The following PARD3B variants were observed in gnomAD, a reference collection of about 807,000 sequenced individuals.
PARD3B encodes par-3 family cell polarity regulator beta.
Under a neutral mutation model 130.2 loss-of-function variants are expected in PARD3B, and 103 were observed. The ratio of observed to expected loss-of-function variants is 0.79; its 90% CI spans 0.67 to 0.93. The LOEUF (loss-of-function observed/expected upper bound fraction) is 0.93. Ranked by LOEUF, PARD3B falls within the 40% of genes least tolerant of loss-of-function variation. The pLI is 0.00. For missense variants in PARD3B, 1,609 were observed against 1,499.2 expected (o/e 1.07, Z -1.21); for synonymous variants, 583 against 553.2 (o/e 1.05, Z -0.76).
chr2:205,348,382 T>C (rs942882577), intron 18 of PARD3B, among the ~76,000 whole-genome samples: 3 of 152,200 alleles, frequency 2.0e-5, no homozygotes, highest in African/African-American at 7.2e-5. Context: ...CATTCTTCTA[T>C]ACCAAAGTCA....
rs949263522 is a variant in PARD3B at position 205,565,012 on chromosome 2, C to T, written c.3260+11609C>T. Among the ~76,000 whole-genome samples, 11 of 152,276 alleles carry T rather than the reference C, an allele frequency of 7.2e-5. No individual in the cohort carries two copies. In the East Asian group the frequency reaches 1.4e-3, roughly 19 times the overall value. On this transcript the variant is annotated intron_variant, in intron 22 of 22. Coordinates refer to ENST00000406610, the MANE Select transcript of PARD3B (RefSeq NM_001302769.2). ...ATAGGTAGGAACCTGGCAATTCTCA[C>T]GCGCCATTCTCCACCAACAGTACAC...
intron 21 of PARD3B, among the ~76,000 whole-genome samples, chr2:205,537,300 A>G (rs570146960): frequency 5.3e-5 from 8 of 152,348 alleles, no homozygotes; most frequent in Admixed American, 5.2e-4. Flanking sequence ...AATCATATAA[A>G]TGGCACTCAA....
chr2:205,111,141 T>C (rs1703617841), intron 5 of PARD3B, among the ~76,000 whole-genome samples: 2 of 152,278 alleles, frequency 1.3e-5, no homozygotes, highest in South Asian at 4.1e-4. Context: ...ACATGGTCTA[T>C]GTAAAATTTT....
At chr2:204,991,404 A>C (rs1192522087) in intron 3 of PARD3B, among the ~76,000 whole-genome samples, 1 of 141,942 alleles carries the variant, frequency 7.0e-6, no homozygotes, top group East Asian at 2.0e-4. Context: ...AAGGACATGA[A>C]CTCATCATTT....
chr2:204,822,630 A>G (rs1308793828), intron 2 of PARD3B, among the ~76,000 whole-genome samples: 1 of 152,150 alleles, frequency 6.6e-6, no homozygotes, highest in Non-Finnish European at 1.5e-5. Context: ...TTTGGAATGA[A>G]TGCCACACCA....
At position 205,585,120 on chromosome 2, in the gene PARD3B, A is replaced by G. The variant is rs1184492637; in HGVS notation, c.3261-30336A>G. 6.6e-6 allele frequency among the ~76,000 whole-genome samples: 1 copy of G among 152,148 alleles called. No homozygotes were observed. Among genetic ancestry groups the G allele is most frequent in the African/African-American group, 2.4e-5 (1 of 41,420 alleles). ...GTGAAAATAGATCCTTCGTAACCCCACAGCCTTGGAATGATTGCTCACTCC... is the reference window on the plus strand; with the variant it reads ...GTGAAAATAGATCCTTCGTAACCCCGCAGCCTTGGAATGATTGCTCACTCC... On this transcript the variant is annotated intron_variant, in intron 22 of 22. Coordinates refer to ENST00000406610, the MANE Select transcript of PARD3B (RefSeq NM_001302769.2). The surrounding 1 kb of genome is among the most constrained non-coding windows in gnomAD (Gnocchi z 5.4).
chr2:205,018,149 A>G (rs970233694), intron 3 of PARD3B, among the ~76,000 whole-genome samples: 3 of 152,122 alleles, frequency 2.0e-5, no homozygotes, highest in African/African-American at 7.2e-5. Flanking sequence ...TAATATGTCT[A>G]CATATTTACC....
intron 22 of PARD3B, among the ~76,000 whole-genome samples, chr2:205,554,990 G>GA (rs1383303984): frequency 9.2e-6 from 1 of 108,554 alleles, no homozygotes; most frequent in Non-Finnish European, 2.4e-5. Context: ...ATCCCCAAGG[G>GA]ACAGTTACAT....
intron 15 of PARD3B, among the ~76,000 whole-genome samples, chr2:205,193,646 C>T (rs1426685644): frequency 6.6e-6 from 1 of 152,196 alleles, no homozygotes; most frequent in East Asian, 1.9e-4. Flanking sequence ...TGCATTTGCA[C>T]CCTCGCTTCT....
chr2:205,046,250 T>C (rs1312480079), intron 3 of PARD3B, among the ~76,000 whole-genome samples: 3 of 151,794 alleles, frequency 2.0e-5, no homozygotes, highest in Non-Finnish European at 4.4e-5. Flanking sequence ...TCTACTCTTC[T>C]TGTTTTTTTT....
intron 2 of PARD3B, among the ~76,000 whole-genome samples, chr2:204,937,720 T>C (rs778835757): frequency 6.6e-6 from 1 of 152,210 alleles, no homozygotes; most frequent in African/African-American, 2.4e-5. Flanking sequence ...GGCTCCTCTC[T>C]TGATGTTAGC....
At chr2:204,639,799 A>G (rs1416736768) in intron 1 of PARD3B, among the ~76,000 whole-genome samples, 2 of 152,168 alleles carry the variant, frequency 1.3e-5, no homozygotes, top group Admixed American at 6.5e-5. Context: ...TAAAAGATAC[A>G]TCCTATTATT....
At chr2:204,705,415 A>G (rs2038094464) in intron 2 of PARD3B, among the ~76,000 whole-genome samples, 1 of 152,200 alleles carries the variant, frequency 6.6e-6, no homozygotes, top group Non-Finnish European at 1.5e-5. Context: ...AGGCATTTTA[A>G]ATCAATCAGT....
chr2:205,438,281 A>G (rs2047588018), intron 19 of PARD3B, among the ~76,000 whole-genome samples: 1 of 152,182 alleles, frequency 6.6e-6, no homozygotes, highest in African/African-American at 2.4e-5. Context: ...TTAATGAGAA[A>G]ACCTCTAAGA....
intron 2 of PARD3B, among the ~76,000 whole-genome samples, chr2:204,947,466 T>G (rs946921724): frequency 4.6e-5 from 7 of 152,160 alleles, no homozygotes; most frequent in African/African-American, 1.7e-4. Flanking sequence ...ATGTTGGGTG[T>G]ATGCCAAGCC....
intron 4 of PARD3B, among the ~76,000 whole-genome samples, chr2:205,068,012 GC>G (rs1480507800): frequency 6.6e-6 from 1 of 152,132 alleles, no homozygotes; most frequent in African/African-American, 2.4e-5. Context: ...TAAGGTTCAT[GC>G]TTTACATGCC....
intron 18 of PARD3B, among the ~76,000 whole-genome samples, chr2:205,327,324 G>T (rs1028485422): frequency 6.6e-6 from 1 of 152,278 alleles, no homozygotes; most frequent in African/African-American, 2.4e-5. Context: ...GGACACACCT[G>T]TTCCTAATGC....
At chr2:204,629,702 A>C (rs1019629366) in intron 1 of PARD3B, among the ~76,000 whole-genome samples, 2 of 152,148 alleles carry the variant, frequency 1.3e-5, no homozygotes, top group Non-Finnish European at 2.9e-5. Flanking sequence ...TATCTTATTA[A>C]ATCTCACCAT....
chr2:205,529,584 A>G (rs912669063), intron 21 of PARD3B, among the ~76,000 whole-genome samples: 4 of 152,094 alleles, frequency 2.6e-5, no homozygotes, highest in Non-Finnish European at 5.9e-5. Flanking sequence ...GAGACTCTAC[A>G]TTGTGAGGCT....
Sources: gnomAD v4.1 joint callset for allele counts (sites outside exome capture counted in the v4.1 genomes callset) on GRCh38, gnomAD v4.1.1 for gene constraint, Gnocchi (gnomAD v3.1) non-coding constraint, MANE v1.5 for transcripts, NCBI Gene and HGNC (gene_info 2026-07-23, HGNC 2026-07-21) for gene names.